MBNL2: variants seen among roughly 807,000 people sequenced by gnomAD.
MBNL2 encodes the protein muscleblind-like protein 2.
MBNL2 carries 17 observed loss-of-function variants against 41.9 expected under a neutral mutation model. The ratio of observed to expected loss-of-function variants is 0.41; its 90% CI spans 0.28 to 0.61. MBNL2 has a LOEUF of 0.61. MBNL2 is among the 20% of genes least tolerant of loss of function. The pLI is 0.35. For synonymous variants in MBNL2, 195 were observed against 182.9 expected, an observed-to-expected ratio of 1.07 and a Z score of -0.53; for missense variants, 336 against 505.6, an observed-to-expected ratio of 0.66 and a Z score of 3.22.
chr13:97,163,848 G>A, the MBNL2 span, among the ~76,000 whole-genome samples: 2 of 152,126 alleles, frequency 1.3e-5, no homozygotes, highest in Non-Finnish European at 2.9e-5. Flanking sequence ...GACACAGGGA[G>A]AAGATGCTCA....
At chr13:97,387,511 C>T (rs2066020824) in intron 8 of MBNL2, among the ~76,000 whole-genome samples, 1 of 152,174 alleles carries the variant, frequency 6.6e-6, no homozygotes, top group Admixed American at 6.5e-5. Flanking sequence ...CACCCCAGGG[C>T]CTCGCCTTCC....
the MBNL2 span, among the ~76,000 whole-genome samples, chr13:97,186,502 T>C: frequency 6.6e-6 from 1 of 152,242 alleles, no homozygotes; most frequent in South Asian, 2.1e-4. Context: ...TTGGCTATTA[T>C]TTTAGTATAA....
chr13:97,363,418 CTGTGTGTGTGTG>C (rs55745808), intron 7 of MBNL2, among the ~76,000 whole-genome samples: 3,977 of 136,704 alleles, frequency 0.029, 114 homozygotes, highest in African/African-American at 0.069. Context: ...GAAAGAAAAA[CTGTGTGTGTGTG>C]TGTGTGTGTG....
chr13:97,300,241 G>A (rs952909620), intron 2 of MBNL2, among the ~76,000 whole-genome samples: 3 of 152,154 alleles, frequency 2.0e-5, no homozygotes, highest in African/African-American at 7.2e-5. Context: ...TGGAAATGCA[G>A]GCCCTGGCAA....
chr13:97,313,834 AG>A (rs2058810594), intron 2 of MBNL2, among the ~76,000 whole-genome samples: 4 of 152,218 alleles, frequency 2.6e-5, no homozygotes, highest in Admixed American at 2.6e-4. Context: ...ATGCTCTCCC[AG>A]GCTCTGACCT....
intron 3 of MBNL2, among the ~76,000 whole-genome samples, chr13:97,342,682 G>C (rs1269420363): frequency 6.6e-6 from 1 of 152,176 alleles, no homozygotes; most frequent in East Asian, 1.9e-4. Context: ...GTATTCTATA[G>C]CTTTTACTAC....
chr13:97,263,429 A>G (rs1211639896), intron 1 of MBNL2, among the ~76,000 whole-genome samples: 2 of 152,162 alleles, frequency 1.3e-5, no homozygotes, highest in Non-Finnish European at 1.5e-5. Flanking sequence ...TAGGCAGACA[A>G]AGCCCCTATG....
At chr13:97,256,576 CA>C (rs557960337) in intron 1 of MBNL2, among the ~76,000 whole-genome samples, 85 of 152,200 alleles carry the variant, frequency 5.6e-4, no homozygotes, top group Middle Eastern at 6.8e-3. Context: ...TGGCCTTAAC[CA>C]AAATTTCCAT....
rs869034692 is a variant in MBNL2 at position 97,251,834 on chromosome 13, C to CTTTTTTTTTT, written c.-604-23780_-604-23771dup. On this transcript the variant is annotated intron_variant, in intron 1 of 8. Coordinates refer to ENST00000679496, the MANE Select transcript of MBNL2 (RefSeq NM_001382683.1). Reference sequence around the variant, plus strand: ...TATTTATTATCTTGTATCCTCAATTCTTTTTTTTTTTTTTTTTTTTTTTTT... The same window carrying CTTTTTTTTTT: ...TATTTATTATCTTGTATCCTCAATTCTTTTTTTTTTTTTTTTTTTTTTTTTTTTTTTTTTT... Among the ~76,000 whole-genome samples, 3 of 69,578 alleles carry CTTTTTTTTTT rather than the reference C, an allele frequency of 4.3e-5. 1 individual carries two copies. The highest frequency in any genetic ancestry group is 2.0e-4 in the Admixed American group (1 of 4,940). 45.6% of individuals were successfully genotyped at this position (69,578 alleles called of 152,430 possible). A position where few individuals can be genotyped will look rare whatever the true frequency, so the allele number is the denominator to read the frequency against.
intron 2 of MBNL2, among the ~76,000 whole-genome samples, chr13:97,278,418 CAT>C (rs1352003011): frequency 6.6e-6 from 1 of 152,064 alleles, no homozygotes; most frequent in African/African-American, 2.4e-5. Flanking sequence ...TAATATTAAA[CAT>C]CACAATTTTT....
At chr13:97,337,493 A>G (rs1322230409) in intron 3 of MBNL2, among the ~76,000 whole-genome samples, 3 of 151,976 alleles carry the variant, frequency 2.0e-5, no homozygotes, top group Admixed American at 2.0e-4. Flanking sequence ...AGAGCTGGAT[A>G]TTTCTTTCCA....
intron 2 of MBNL2, among the ~76,000 whole-genome samples, chr13:97,280,231 C>G (rs554925361): frequency 1.3e-5 from 2 of 152,204 alleles, no homozygotes; most frequent in African/African-American, 4.8e-5. Context: ...GATTCTTTTT[C>G]CTGTGATTGA....
upstream of MBNL2, among the ~76,000 whole-genome samples, chr13:97,219,557 C>G (rs1294495710): frequency 3.3e-5 from 5 of 152,180 alleles, no homozygotes; most frequent in African/African-American, 7.2e-5. Context: ...GAGCTGCTTT[C>G]TTGCTGTGTC....
At position 97,383,089 on chromosome 13, in the gene MBNL2, G is replaced by A. The variant is rs551806715; in HGVS notation, c.1049-8233G>A. 2.6e-5 allele frequency among the ~76,000 whole-genome samples: 4 copies of A among 152,302 alleles called. No homozygotes were observed. The South Asian group carries it at 8.3e-4, about 32-fold the overall frequency. ...TCATCCTCATTTATATCATATAGGA[G>A]AAGAAAAGTGTTCACCCTTGGATGA... On this transcript the variant is annotated intron_variant, in intron 8 of 8. Coordinates refer to ENST00000679496, the MANE Select transcript of MBNL2 (RefSeq NM_001382683.1).
At chr13:97,215,135 T>C in the MBNL2 span, among the ~76,000 whole-genome samples, 10 of 152,198 alleles carry the variant, frequency 6.6e-5, no homozygotes, top group Admixed American at 2.0e-4. Flanking sequence ...GCATGTCCTG[T>C]AACCTTTGAC....
intron 2 of MBNL2, among the ~76,000 whole-genome samples, chr13:97,291,531 G>A (rs1037344202): frequency 6.6e-6 from 1 of 152,056 alleles, no homozygotes; most frequent in Non-Finnish European, 1.5e-5. Flanking sequence ...GATGTGTCAC[G>A]ACAGGTTATT....
At chr13:97,189,715 A>G in the MBNL2 span, among the ~76,000 whole-genome samples, 3 of 152,242 alleles carry the variant, frequency 2.0e-5, no homozygotes, top group South Asian at 6.2e-4. Context: ...GTGTGGACAC[A>G]TACATGTTTT....
Position 97,325,330 on chromosome 13 carries a change from G to T in MBNL2, c.175-8946G>T, listed in dbSNP as rs557361301. On this transcript the variant is annotated intron_variant, in intron 2 of 8. Transcript: ENST00000679496. ...ATTAAGAGAATTAACAATCCTTATC[G>T]GTAAGAGGGGTTTCTCCCTTCATCA... Among the ~76,000 whole-genome samples the T allele has an allele frequency of 5.9e-5, 9 of 152,100 alleles. No individual in the cohort carries two copies. In the South Asian group the frequency reaches 1.2e-3, roughly 21 times the overall value.
chr13:97,277,165 A>T (rs1199948276), intron 2 of MBNL2, among the ~76,000 whole-genome samples: 1 of 152,206 alleles, frequency 6.6e-6, no homozygotes, highest in African/African-American at 2.4e-5. Context: ...TCTGAGTCAT[A>T]TACTGAGTTG....
Sources: gnomAD v4.1 joint callset for allele counts (sites outside exome capture counted in the v4.1 genomes callset) on GRCh38, gnomAD v4.1.1 for gene constraint, MANE v1.5 for transcripts, NCBI Gene and HGNC (gene_info 2026-07-23, HGNC 2026-07-21) for gene names.